Variants in DNAAF9 observed in about 807,000 individuals in gnomAD.
The protein encoded by DNAAF9 is shulin.
DNAAF9 carries 90 observed loss-of-function variants against 167.0 expected under a neutral mutation model. The observed-to-expected ratio is 0.54, with a 90% CI of 0.45 to 0.64. DNAAF9 has a LOEUF of 0.64. Among genes scored for constraint, DNAAF9 ranks in the 30% least tolerant of loss-of-function variants. DNAAF9 has a pLI of 0.00. For missense variants in DNAAF9, 1,315 were observed against 1,442.2 expected, an observed-to-expected ratio of 0.91 and a Z score of 1.43; for synonymous variants, 491 against 508.8, an observed-to-expected ratio of 0.96 and a Z score of 0.47.
At chr20:3,320,012 C>T (rs2069585292) in intron 16 of DNAAF9, among the ~76,000 whole-genome samples, 1 of 152,020 alleles carries the variant, frequency 6.6e-6, no homozygotes, top group African/African-American at 2.4e-5. Flanking sequence ...GTTCCTGATC[C>T]TTCATGTTCA....
chr20:3,270,806 C>T (rs1173518575), intron 29 of DNAAF9, among the ~76,000 whole-genome samples: 2 of 141,486 alleles, frequency 1.4e-5, no homozygotes, highest in Non-Finnish European at 3.0e-5. Context: ...CCCTAACTTC[C>T]TCTATCTTTT....
intron 1 of DNAAF9, among the ~76,000 whole-genome samples, chr20:3,403,105 T>C (rs1359402776): frequency 6.6e-6 from 1 of 152,116 alleles, no homozygotes; most frequent in African/African-American, 2.4e-5. Flanking sequence ...CACCACAATC[T>C]TTACCTCTCA....
chr20:3,284,017 A>G (rs1224230413), intron 27 of DNAAF9, among the ~76,000 whole-genome samples: 1 of 152,012 alleles, frequency 6.6e-6, no homozygotes, highest in African/African-American at 2.4e-5. Context: ...GCACTGCCTC[A>G]AGAGAGAAGG....
At chr20:3,392,437 G>A (rs758985003) in intron 1 of DNAAF9, among the ~76,000 whole-genome samples, 7 of 152,178 alleles carry the variant, frequency 4.6e-5, no homozygotes, top group Non-Finnish European at 8.8e-5. Flanking sequence ...AAGAAACCAA[G>A]AGCTAAATAG....
At chr20:3,353,220 T>C (rs2070360550) in intron 7 of DNAAF9, among the ~76,000 whole-genome samples, 2 of 151,986 alleles carry the variant, frequency 1.3e-5, no homozygotes, top group African/African-American at 4.8e-5. Context: ...CTGATACTCA[T>C]AATGCACATC....
Position 3,281,855 on chromosome 20 carries a change from G to A in DNAAF9, c.2487-89C>T, listed in dbSNP as rs964940654. Reference sequence around the variant, plus strand: ...GAATCCCGAATGGCTGATTGAACAAGGATGGAAAGAAAACCAAAAGGAAGA... The same window carrying A: ...GAATCCCGAATGGCTGATTGAACAAAGATGGAAAGAAAACCAAAAGGAAGA... On this transcript the variant is annotated intron_variant, in intron 27 of 36. Coordinates refer to ENST00000252032, the MANE Select transcript of DNAAF9 (RefSeq NM_001009984.3). 1.0e-5 allele frequency: 14 copies of A among 1,388,428 alleles called. No individual in the cohort carries two copies. The South Asian group carries it at 1.7e-4, about 17-fold the overall frequency. The allele number at this position is 1,388,428 out of a possible 1,614,324, so 86.0% of individuals were successfully genotyped here.
chr20:3,346,301 A>G (rs1394529815), intron 8 of DNAAF9, among the ~76,000 whole-genome samples: 1 of 152,190 alleles, frequency 6.6e-6, no homozygotes, highest in African/African-American at 2.4e-5. Flanking sequence ...CAGCAATCCC[A>G]TCACTAGGTA....
At chr20:3,363,026 C>T (rs980056532) in intron 6 of DNAAF9, among the ~76,000 whole-genome samples, 3 of 152,002 alleles carry the variant, frequency 2.0e-5, no homozygotes, top group African/African-American at 7.2e-5. Context: ...GTCAGGAGTT[C>T]AAGACCAGCC....
intron 29 of DNAAF9, among the ~76,000 whole-genome samples, chr20:3,272,454 T>C (rs1028236175): frequency 7.9e-5 from 12 of 152,146 alleles, no homozygotes; most frequent in African/African-American, 2.9e-4. Flanking sequence ...CTCAAACTCC[T>C]GGGCTCAAGT....
chr20:3,253,725 C>A lies in DNAAF9; in HGVS notation c.3421+1G>T. On this transcript the variant is annotated splice_donor_variant, in intron 36 of 36. Coordinates refer to ENST00000252032, the MANE Select transcript of DNAAF9 (RefSeq NM_001009984.3). LOFTEE classifies it high-confidence loss of function. ...CAGGGACCACGCTGTTCCAAGGATA[C>A]GTGGGTGAAAATCAGTTTTGTCACC... The A allele has an allele frequency of 6.3e-7, 1 of 1,585,554 alleles. No individual in the cohort carries two copies. The highest frequency in any genetic ancestry group is 8.7e-7 in the Non-Finnish European group (1 of 1,154,132).
At chr20:3,363,058 G>A (rs1272407730) in intron 6 of DNAAF9, among the ~76,000 whole-genome samples, 7 of 152,096 alleles carry the variant, frequency 4.6e-5, no homozygotes, top group African/African-American at 7.2e-5. Flanking sequence ...GTGAAAGCCC[G>A]TCTCTACTAA....
intron 30 of DNAAF9, among the ~76,000 whole-genome samples, chr20:3,265,526 G>A (rs2068473579): frequency 7.9e-6 from 1 of 126,748 alleles, no homozygotes; most frequent in African/African-American, 3.1e-5. Flanking sequence ...AGTGAGACGA[G>A]ATCACGCCAC....
At chr20:3,365,484 C>T (rs1245438094) in intron 6 of DNAAF9, among the ~76,000 whole-genome samples, 1 of 152,092 alleles carries the variant, frequency 6.6e-6, no homozygotes, top group African/African-American at 2.4e-5. Context: ...CTCTGCCTCC[C>T]GGGTTCAAGC....
At chr20:3,269,263 G>A (rs963301984) in intron 30 of DNAAF9, among the ~76,000 whole-genome samples, 3 of 150,944 alleles carry the variant, frequency 2.0e-5, no homozygotes, top group African/African-American at 7.3e-5. Flanking sequence ...AGGCTGGAGT[G>A]CAATGGTGTG....
intron 7 of DNAAF9, among the ~76,000 whole-genome samples, chr20:3,350,482 CA>C (rs1264657821): frequency 6.6e-6 from 1 of 151,898 alleles, no homozygotes; most frequent in Non-Finnish European, 1.5e-5. Flanking sequence ...AGGAGGGAGA[CA>C]GAGAGAGAGA....
At position 3,337,420 on chromosome 20, in the gene DNAAF9, C is replaced by G. The variant is rs573018854; in HGVS notation, c.981+3084G>C. ...CCGGGACTACAGGCATGTGCCACCA[C>G]GCCCAGGTTCTTTTTTTTTGTTTTT... is the stretch of plus-strand genomic sequence containing the variant. On this transcript the variant is annotated intron_variant, in intron 10 of 36. Coordinates refer to ENST00000252032, the MANE Select transcript of DNAAF9 (RefSeq NM_001009984.3). Among the ~76,000 whole-genome samples the G allele has an allele frequency of 4.0e-4, 59 of 149,098 alleles. 1 individual carries two copies. In the South Asian group the frequency reaches 0.013, roughly 32 times the overall value.
intron 20 of DNAAF9, chr20:3,307,309 G>C (rs1426343877): frequency 2.1e-5 from 4 of 189,826 alleles, no homozygotes; most frequent in Non-Finnish European, 3.9e-5. Context: ...ACTGTCCTGT[G>C]ATCTGTCCTG....
In DNAAF9 at chr20:3,311,540, T is replaced by C. The variant is rs116136462; in HGVS notation, c.1678+3493A>G. On this transcript the variant is annotated intron_variant, in intron 20 of 36. Coordinates refer to ENST00000252032, the MANE Select transcript of DNAAF9 (RefSeq NM_001009984.3). ...AGCTGGGATTACAGGCACAAGCCAC[T>C]GCACCTAGCACAAAAACTATAACTC... Among the ~76,000 whole-genome samples, 996 of 152,220 alleles carry C rather than the reference T, an allele frequency of 6.5e-3. 15 individuals carry two copies. Among genetic ancestry groups the C allele is most frequent in the African/African-American group, 0.022 (934 of 41,536 alleles).
At chr20:3,337,436 T>G (rs1346564194) in intron 10 of DNAAF9, among the ~76,000 whole-genome samples, 26 of 114,532 alleles carry the variant, frequency 2.3e-4, no homozygotes, top group Non-Finnish European at 3.6e-4. Context: ...GGTTCTTTTT[T>G]TTTGTTTTTT....
Sources: gnomAD v4.1 joint callset for allele counts (sites outside exome capture counted in the v4.1 genomes callset) on GRCh38, gnomAD v4.1.1 for gene constraint, MANE v1.5 for transcripts, NCBI Gene and HGNC (gene_info 2026-07-23, HGNC 2026-07-21) for gene names.